CLIP2: variants seen among roughly 807,000 people sequenced by gnomAD.
CLIP2 encodes CAP-Gly domain containing linker protein 2, also known as CAP-Gly domain-containing linker protein 2.
Under a neutral mutation model 111.7 loss-of-function variants are expected in CLIP2, and 41 were observed. That is an observed-to-expected ratio of 0.37 (90% CI 0.29 to 0.48). The LOEUF (loss-of-function observed/expected upper bound fraction) is 0.48, where lower values mean the gene tolerates loss of function less well. CLIP2 is among the 20% of genes least tolerant of loss of function. The pLI, the probability that CLIP2 is intolerant of heterozygous loss-of-function variation, is 0.99. For synonymous variants in CLIP2, 660 were observed against 644.2 expected (o/e 1.02, Z -0.37); for missense variants, 1,160 against 1,422.1 (o/e 0.82, Z 2.96).
intron 8 of CLIP2, chr7:74,364,705 T>G (rs1790426752): frequency 2.8e-6 from 1 of 352,540 alleles, no homozygotes; most frequent in South Asian, 2.2e-5. Flanking sequence ...GTCACAGAAT[T>G]TATAGGTAGG....
chr7:74,316,984 A>G (rs1024511660), intron 1 of CLIP2, among the ~76,000 whole-genome samples: 3 of 152,168 alleles, frequency 2.0e-5, no homozygotes, highest in Non-Finnish European at 1.5e-5. Flanking sequence ...GGCTCAAGCG[A>G]TCCACCAGCC....
chr7:74,346,281 A>G (rs1160407247), intron 3 of CLIP2, among the ~76,000 whole-genome samples: 2 of 152,082 alleles, frequency 1.3e-5, no homozygotes, highest in African/African-American at 2.4e-5. Context: ...ACATGCAGCT[A>G]TGAAGATAAA....
At chr7:74,380,989 T>G (rs371896936) in intron 11 of CLIP2, 126 bp downstream of exon 11, 1 of 887,962 alleles carries the variant, frequency 1.1e-6, no homozygotes, top group Non-Finnish European at 1.9e-6. Flanking sequence ...TCCTGTGTGC[T>G]GTGAGCTATG....
At chr7:74,371,970 T>TA (rs1790639295) in intron 8 of CLIP2, among the ~76,000 whole-genome samples, 1 of 152,146 alleles carries the variant, frequency 6.6e-6, no homozygotes, top group African/African-American at 2.4e-5. Context: ...GCTGTTTTGC[T>TA]AAGCCCCGCC....
chr7:74,325,441 C>T (rs1789082466), intron 2 of CLIP2, among the ~76,000 whole-genome samples: 1 of 152,006 alleles, frequency 6.6e-6, no homozygotes, highest in African/African-American at 2.4e-5. Flanking sequence ...CGGCCTGGCT[C>T]CAGTGGTGAC....
chr7:74,375,546 CAAA>C (rs34885959), intron 9 of CLIP2, among the ~76,000 whole-genome samples: 3 of 33,158 alleles, frequency 9.0e-5, no homozygotes, highest in Non-Finnish European at 1.5e-4. Flanking sequence ...GAGCGAGACT[CAAA>C]AAAAAAAAAA....
chr7:74,295,485 G>A (rs138452568), intron 1 of CLIP2, among the ~76,000 whole-genome samples: 18 of 152,250 alleles, frequency 1.2e-4, no homozygotes, highest in African/African-American at 3.9e-4. Context: ...TTGCCACCTC[G>A]TACCTTTCTA....
intron 2 of CLIP2, among the ~76,000 whole-genome samples, chr7:74,322,730 CTGT>C (rs1226013876): frequency 2.0e-5 from 3 of 151,968 alleles, no homozygotes; most frequent in Admixed American, 6.6e-5. Flanking sequence ...TTGTTTTTTG[CTGT>C]TGTTGTTTGT....
intron 1 of CLIP2, among the ~76,000 whole-genome samples, chr7:74,311,002 C>T (rs1289398649): frequency 5.6e-5 from 8 of 143,638 alleles, no homozygotes; most frequent in Non-Finnish European, 9.1e-5. Flanking sequence ...TTTTTTGAGA[C>T]GGAGTCTTGC....
At position 74,375,897 on chromosome 7, in the gene CLIP2, T is replaced by C. The variant is rs1554312677; in HGVS notation, c.1496T>C (p.Val499Ala). Residue 499 changes from valine (V) to alanine (A), a missense_variant, in exon 10 of 17, where the codon GTG becomes GCG. By Grantham distance (64) the Val-to-Ala change is moderately conservative. This residue lies in a region of CLIP2 where 676 missense variants were observed against 777.8 expected (regional missense o/e 0.87). Coordinates refer to ENST00000223398, the MANE Select transcript of CLIP2 (RefSeq NM_003388.5). ...CCTCTCTCCCCACAGCTGACCACAG[T>C]GGCCGAGAAGTCGCGCGTGCTGCAG... ...RELADNRLTT[V>A]AEKSRVLQLE... is the part of the protein sequence containing the mutation. 1 of 1,553,528 alleles carries C rather than the reference T, an allele frequency of 6.4e-7. No individual in the cohort carries two copies. Among genetic ancestry groups the C allele is most frequent in the Middle Eastern group, 2.0e-4 (1 of 5,034 alleles).
chr7:74,356,324 C>T, intron 4 of CLIP2, 86 bp from the exon 5 acceptor site: 2 of 1,109,970 alleles, frequency 1.8e-6, no homozygotes, highest in Non-Finnish European at 2.8e-6. Flanking sequence ...CTCTTTCTGC[C>T]AGGCTCTGAA....
intron 2 of CLIP2, among the ~76,000 whole-genome samples, chr7:74,331,817 C>T (rs1333937221): frequency 1.3e-5 from 2 of 151,798 alleles, no homozygotes; most frequent in East Asian, 3.9e-4. Context: ...TCAGGTAATC[C>T]ACCCGCCTCA....
At chr7:74,371,843 T>G (rs1790635552) in intron 8 of CLIP2, among the ~76,000 whole-genome samples, 1 of 152,086 alleles carries the variant, frequency 6.6e-6, no homozygotes, top group Admixed American at 6.6e-5. Context: ...CCAAAGGACA[T>G]AATCATCTCA....
At chr7:74,403,184 A>C (rs1363007178) in intron 16 of CLIP2, among the ~76,000 whole-genome samples, 1 of 143,156 alleles carries the variant, frequency 7.0e-6, no homozygotes, top group African/African-American at 2.6e-5. Flanking sequence ...GTGCCACTGC[A>C]CTCTAGCCTG....
intron 8 of CLIP2, among the ~76,000 whole-genome samples, chr7:74,367,154 C>A (rs1436886919): frequency 6.6e-6 from 1 of 152,026 alleles, no homozygotes; most frequent in East Asian, 1.9e-4. Flanking sequence ...AGACCCTATT[C>A]CAAAGAAGGT....
At chr7:74,339,656 C>T (rs983187911) in intron 3 of CLIP2, among the ~76,000 whole-genome samples, 1 of 152,112 alleles carries the variant, frequency 6.6e-6, no homozygotes, top group Non-Finnish European at 1.5e-5. Flanking sequence ...TGCATTAAAA[C>T]GTATCACTCA....
intron 1 of CLIP2, among the ~76,000 whole-genome samples, chr7:74,296,800 A>AG (rs1788181129): frequency 6.6e-6 from 1 of 151,580 alleles, no homozygotes; most frequent in Non-Finnish European, 1.5e-5. Flanking sequence ...AAAAAAAAAA[A>AG]AAAAAGAGAA....
chr7:74,308,619 C>T (rs1181629555), intron 1 of CLIP2, among the ~76,000 whole-genome samples: 4 of 152,082 alleles, frequency 2.6e-5, no homozygotes, highest in Non-Finnish European at 4.4e-5. Flanking sequence ...ATTCTCCTGC[C>T]TCCACCTCCC....
chr7:74,375,059 A>C (rs963239590), intron 9 of CLIP2, among the ~76,000 whole-genome samples: 2 of 150,432 alleles, frequency 1.3e-5, no homozygotes, highest in Non-Finnish European at 3.0e-5. Context: ...GAATGTTAAC[A>C]AAAAAAAAAT....
Sources: gnomAD v4.1 joint callset for allele counts (sites outside exome capture counted in the v4.1 genomes callset) on GRCh38, gnomAD v4.1.1 for gene constraint, gnomAD v4.1.1 regional missense constraint, MANE v1.5 for transcripts, NCBI Gene and HGNC (gene_info 2026-07-23, HGNC 2026-07-21) for gene names.